Variants in CERS5 observed in about 807,000 individuals in gnomAD.
CERS5 encodes ceramide synthase 5.
CERS5 carries 37 observed loss-of-function variants against 58.9 expected under a neutral mutation model. The ratio of observed to expected loss-of-function variants is 0.63; its 90% CI spans 0.48 to 0.83. The LOEUF (loss-of-function observed/expected upper bound fraction) is 0.83. Among genes scored for constraint, CERS5 ranks in the 40% least tolerant of loss-of-function variants. The probability of loss-of-function intolerance (pLI) is 0.00; values close to 1 mark genes in which losing one functional copy is unlikely to be tolerated. For synonymous variants in CERS5, 147 were observed against 177.8 expected, an observed-to-expected ratio of 0.83 and a Z score of 1.38; for missense variants, 398 against 489.3, an observed-to-expected ratio of 0.81 and a Z score of 1.76.
At chr12:50,157,467 G>T (rs973258383) in intron 1 of CERS5, among the ~76,000 whole-genome samples, 3 of 151,756 alleles carry the variant, frequency 2.0e-5, no homozygotes, top group African/African-American at 4.8e-5. Context: ...TTACTGAATA[G>T]CTAATATGAA....
At chr12:50,144,118 C>T (rs764403991) in intron 1 of CERS5, 61 bp from the exon 2 acceptor site, 28 of 920,066 alleles carry the variant, frequency 3.0e-5, no homozygotes, top group Non-Finnish European at 4.9e-5. Context: ...ATAGTTGACA[C>T]ATAATAATTG....
chr12:50,136,652 CT>C (rs915890697), intron 6 of CERS5, among the ~76,000 whole-genome samples: 1 of 152,140 alleles, frequency 6.6e-6, no homozygotes, highest in Non-Finnish European at 1.5e-5. Flanking sequence ...TAAGCTGACA[CT>C]TGGGGATAAC....
intron 1 of CERS5, chr12:50,144,842 A>G (rs2008537): frequency 0.29 from 433,374 of 1,471,184 alleles, 71,026 homozygotes; most frequent in East Asian, 0.78. Flanking sequence ...AAATTTTTAA[A>G]AAGAATAAAA....
intron 1 of CERS5, among the ~76,000 whole-genome samples, chr12:50,160,676 C>T (rs1939185870): frequency 6.6e-6 from 1 of 152,124 alleles, no homozygotes; most frequent in East Asian, 1.9e-4. Context: ...CTACTTGATC[C>T]CAGGGAAAAT....
chr12:50,140,073 C>T (rs1951884592), intron 4 of CERS5, among the ~76,000 whole-genome samples: 1 of 151,920 alleles, frequency 6.6e-6, no homozygotes, highest in African/African-American at 2.4e-5. Context: ...TTTTGCTTAT[C>T]TTTTTCAAGA....
At chr12:50,142,967 C>T (rs1366942392) in intron 3 of CERS5, 107 bp downstream of exon 3, 1 of 1,210,740 alleles carries the variant, frequency 8.3e-7, no homozygotes, top group African/African-American at 1.5e-5. Flanking sequence ...TTCTCTATAT[C>T]CATTAACTGT....
chr12:50,161,869 CTT>C (rs765766688), intron 1 of CERS5, among the ~76,000 whole-genome samples: 179 of 67,292 alleles, frequency 2.7e-3, no homozygotes, highest in African/African-American at 9.2e-3. Flanking sequence ...TGTTCTTCTT[CTT>C]TTTTTTTTTT....
intron 9 of CERS5, among the ~76,000 whole-genome samples, chr12:50,132,808 C>T (rs1376493449): frequency 6.6e-6 from 1 of 152,128 alleles, no homozygotes; most frequent in African/African-American, 2.4e-5. Flanking sequence ...AAAAATCTGG[C>T]AACTGCAGCT....
intron 1 of CERS5, among the ~76,000 whole-genome samples, chr12:50,157,336 G>GT (rs1287101877): frequency 4.0e-5 from 6 of 151,384 alleles, no homozygotes; most frequent in African/African-American, 1.5e-4. Flanking sequence ...GACTGATACA[G>GT]TAATATAGCA....
At chr12:50,167,008 C>G in intron 1 of CERS5, 93 bp downstream of exon 1, 1 of 1,063,750 alleles carries the variant, frequency 9.4e-7, no homozygotes, top group Non-Finnish European at 1.3e-6. Context: ...CCGGGCTTTC[C>G]TTGCAGTTCT....
At chr12:50,155,441 T>C (rs1005355554) in intron 1 of CERS5, among the ~76,000 whole-genome samples, 1 of 151,178 alleles carries the variant, frequency 6.6e-6, no homozygotes, top group African/African-American at 2.4e-5. Flanking sequence ...TTGAGGGCCA[T>C]TAAAAAAAAA....
chr12:50,130,844 T>C, intron 9 of CERS5, 150 bp from the exon 10 acceptor site: 1 of 590,282 alleles, frequency 1.7e-6, no homozygotes, highest in Non-Finnish European at 2.8e-6. Context: ...CTATGGCTAC[T>C]GTTGTGACTA....
At chr12:50,140,668 T>A (rs544291336) in intron 4 of CERS5, among the ~76,000 whole-genome samples, 29 of 152,306 alleles carry the variant, frequency 1.9e-4, no homozygotes, top group African/African-American at 7.0e-4. Flanking sequence ...TTCTTTAAGA[T>A]TTCAATATTT....
At chr12:50,155,690 T>C (rs910680154) in intron 1 of CERS5, among the ~76,000 whole-genome samples, 5 of 126,940 alleles carry the variant, frequency 3.9e-5, no homozygotes, top group Admixed American at 1.0e-4. Context: ...TGAGCCGAGA[T>C]TGCGCCACTG....
At chr12:50,131,836 C>T (rs1228250798) in intron 9 of CERS5, among the ~76,000 whole-genome samples, 1 of 152,128 alleles carries the variant, frequency 6.6e-6, no homozygotes, top group African/African-American at 2.4e-5. Context: ...GTGGCTTACA[C>T]CTATAATCCT....
intron 1 of CERS5, chr12:50,165,862 T>G: frequency 7.0e-6 from 3 of 427,338 alleles, no homozygotes; most frequent in Non-Finnish European, 1.4e-5. Context: ...TCTTGGAGTC[T>G]GAGTAGACTT....
chr12:50,153,268 G>GCTTTTTTT (rs1938174570), intron 1 of CERS5, among the ~76,000 whole-genome samples: 1 of 72,610 alleles, frequency 1.4e-5, no homozygotes, highest in Non-Finnish European at 2.9e-5. Flanking sequence ...AAACTAATAT[G>GCTTTTTTT]ATTTTTTTTT....
Position 50,134,630 on chromosome 12 carries a change from G to A in CERS5, c.945C>T (p.Gly315=). ...GPYASWWLLN[G]LLLTLQLLHV... is the part of the protein sequence containing the mutation. ...GCAGAAGCTGTAGGGTCAGCAGCAG[G>A]CCATTGAGGAGCCACCATGAAGCAT... Residue 315 remains glycine (G), a synonymous_variant, in exon 9 of 10, where the codon GGC becomes GGT. Transcript: ENST00000317551. The A allele has an allele frequency of 6.2e-7, 1 of 1,614,120 alleles. No homozygotes were observed. Among genetic ancestry groups the A allele is most frequent in the Admixed American group, 1.7e-5 (1 of 60,014 alleles).
chr12:50,131,903 C>T (rs1252009552), intron 9 of CERS5, among the ~76,000 whole-genome samples: 1 of 151,926 alleles, frequency 6.6e-6, no homozygotes, highest in Non-Finnish European at 1.5e-5. Context: ...TTGAGACCAG[C>T]CTGGGCAACA....
Sources: allele counts gnomAD v4.1 joint callset (sites outside exome capture counted in the v4.1 genomes callset), GRCh38; gene constraint gnomAD v4.1.1; transcripts MANE v1.5; gene names NCBI Gene and HGNC (gene_info 2026-07-23, HGNC 2026-07-21).